ZNF280D: variants seen among roughly 807,000 people sequenced by gnomAD.
ZNF280D encodes the protein suppressor of hairy wing homolog 4.
Under a neutral mutation model 94.7 loss-of-function variants are expected in ZNF280D, and 39 were observed. That is an observed-to-expected ratio of 0.41 (90% CI 0.32 to 0.54). The LOEUF (loss-of-function observed/expected upper bound fraction) is 0.54, where lower values mean the gene tolerates loss of function less well. Among genes scored for constraint, ZNF280D ranks in the 20% least tolerant of loss-of-function variants. The probability of loss-of-function intolerance (pLI) is 0.22; values close to 1 mark genes in which losing one functional copy is unlikely to be tolerated. For synonymous variants in ZNF280D, 398 were observed against 377.6 expected, an observed-to-expected ratio of 1.05 and a Z score of -0.63; for missense variants, 1,090 against 1,149.3, an observed-to-expected ratio of 0.95 and a Z score of 0.75.
Position 56,666,939 on chromosome 15 carries a change from A to T in ZNF280D, c.1593T>A (p.Pro531=), listed in dbSNP as rs2054331641. Residue 531 remains proline (P), a synonymous_variant, in exon 15 of 22, where the codon CCT becomes CCA. Transcript: ENST00000267807. The part of the protein sequence containing the change: ...SVGPLQSGAS[P]TPSISASAST... ...AAGCACTTGCACTAATGGAAGGTGT[A>T]GGTGAAGCTCCTGATTGCAGAGGTC... 6.2e-7 allele frequency: 1 copy of T among 1,612,068 alleles called. No individual in the cohort carries two copies. The highest frequency in any genetic ancestry group is 1.7e-5 in the Admixed American group (1 of 59,618).
At chr15:56,674,513 T>C (rs1474549156) in intron 13 of ZNF280D, among the ~76,000 whole-genome samples, 1 of 152,104 alleles carries the variant, frequency 6.6e-6, no homozygotes, top group Non-Finnish European at 1.5e-5. Context: ...CCAATGCCAA[T>C]GTGAAATCCA....
At chr15:56,676,448 A>G (rs1169197364) in intron 13 of ZNF280D, among the ~76,000 whole-genome samples, 1 of 152,074 alleles carries the variant, frequency 6.6e-6, no homozygotes, top group Non-Finnish European at 1.5e-5. Context: ...ATTTCTAGCT[A>G]TCTTTCAGAA....
At chr15:56,701,710 A>G (rs2057084517) in intron 4 of ZNF280D, among the ~76,000 whole-genome samples, 2 of 152,150 alleles carry the variant, frequency 1.3e-5, no homozygotes, top group Non-Finnish European at 2.9e-5. Flanking sequence ...TCACTCGTCT[A>G]AAAGCCTTGA....
At chr15:56,658,560 C>T (rs2053699983) in intron 16 of ZNF280D, 74 bp from the exon 17 acceptor site, 2 of 1,049,824 alleles carry the variant, frequency 1.9e-6, no homozygotes, top group East Asian at 3.0e-5. Flanking sequence ...TATTTCAAGT[C>T]CATACTTAAG....
At chr15:56,716,609 G>A (rs898793623) in intron 1 of ZNF280D, among the ~76,000 whole-genome samples, 5 of 151,676 alleles carry the variant, frequency 3.3e-5, no homozygotes, top group Non-Finnish European at 1.5e-5. Context: ...AAGAAATTCT[G>A]TCCTTATCCT....
At position 56,689,414 on chromosome 15, in the gene ZNF280D, C is replaced by G; in HGVS notation, c.556G>C (p.Val186Leu). The change falls in exon 8 of 22, where the codon GTT becomes CTT. Residue 186 changes from valine (V) to leucine (L), a missense_variant. Coordinates refer to ENST00000267807, the MANE Select transcript of ZNF280D (RefSeq NM_017661.4). ...CTGGGTTTAGGCTTCTTTGGATTAA[C>G]ATTATTTACTTCAGAAGTAGAAGGA... ...KRPSTSEVNN[V>L]NPKKPKPSES... The G allele has an allele frequency of 6.3e-7, 1 of 1,593,944 alleles. No individual in the cohort carries two copies. Among genetic ancestry groups the G allele is most frequent in the Non-Finnish European group, 8.5e-7 (1 of 1,170,112 alleles).
chr15:56,667,128 C>A (rs2054347300), intron 14 of ZNF280D, 142 bp from the exon 15 acceptor site: 4 of 586,766 alleles, frequency 6.8e-6, no homozygotes, highest in Non-Finnish European at 1.1e-5. Context: ...CCCATTTATT[C>A]TAAATGTTCA....
At chr15:56,643,044 G>T in intron 19 of ZNF280D, 47 bp from the exon 20 acceptor site, 1 of 1,230,894 alleles carries the variant, frequency 8.1e-7, no homozygotes, top group Non-Finnish European at 1.1e-6. Context: ...TATGTACGAT[G>T]GTAAAATATG....
Position 56,705,039 on chromosome 15 carries a change from T to A in ZNF280D, c.29-772A>T, listed in dbSNP as rs545368872. ...GCAGGGAAGAGATGCTAGAATAGAATATGGAAAACTAATTAGGCTTATTCA... is the reference window on the plus strand; with the variant it reads ...GCAGGGAAGAGATGCTAGAATAGAAAATGGAAAACTAATTAGGCTTATTCA... On this transcript the variant is annotated intron_variant, in intron 3 of 21. Coordinates refer to ENST00000267807, the MANE Select transcript of ZNF280D (RefSeq NM_017661.4). 6.6e-5 allele frequency among the ~76,000 whole-genome samples: 10 copies of A among 151,910 alleles called. No homozygotes were observed. The South Asian group carries it at 1.9e-3, about 28-fold the overall frequency.
rs1170370155 is a variant in ZNF280D, at chr15:56,668,919, C to G, written c.1449G>C (p.Gln483His). The G allele has an allele frequency of 1.2e-6, 2 of 1,611,950 alleles. No homozygotes were observed. Among genetic ancestry groups the G allele is most frequent in the Admixed American group, 3.3e-5 (2 of 59,758 alleles). Residue 483 changes from glutamine to histidine, a missense_variant, in exon 14 of 22, where the codon CAG becomes CAC. Around this residue, in one of 3 missense-constraint regions of ZNF280D, gnomAD observed 127 missense variants for 208.6 expected, o/e 0.61. Coordinates refer to ENST00000267807, the MANE Select transcript of ZNF280D (RefSeq NM_017661.4). Reference sequence around the variant, plus strand: ...CCATTTTCTCCTTGCATGTCAAAAACTGCAGCCTGCATTTTGTACAACGAT... The same window carrying G: ...CCATTTTCTCCTTGCATGTCAAAAAGTGCAGCCTGCATTTTGTACAACGAT... ...GIHRCTKCRLQFLTCKEKMDH... is the reference protein window; with the variant it reads ...GIHRCTKCRLHFLTCKEKMDH...
intron 6 of ZNF280D, chr15:56,700,460 C>A: frequency 2.2e-6 from 2 of 903,188 alleles, no homozygotes; most frequent in Non-Finnish European, 1.3e-6. Flanking sequence ...TTACCATTTT[C>A]TATTACTTTT....
At chr15:56,731,624 T>C (rs1370892037) in intron 1 of ZNF280D, among the ~76,000 whole-genome samples, 1 of 151,922 alleles carries the variant, frequency 6.6e-6, no homozygotes, top group African/African-American at 2.4e-5. Flanking sequence ...TTAAGTGTGA[T>C]TGCGGTATTG....
At chr15:56,710,096 T>C (rs1478671215) in intron 1 of ZNF280D, among the ~76,000 whole-genome samples, 2 of 152,038 alleles carry the variant, frequency 1.3e-5, no homozygotes, top group Non-Finnish European at 2.9e-5. Context: ...CAGCTCAGAG[T>C]TGGCTCTTTA....
chr15:56,676,807 A>G lies in ZNF280D; in HGVS notation c.1273T>C (p.Tyr425His). 1 of 1,593,928 alleles carries G rather than the reference A, an allele frequency of 6.3e-7. No individual in the cohort carries two copies. Among genetic ancestry groups the G allele is most frequent in the Non-Finnish European group, 8.5e-7 (1 of 1,169,782 alleles). The change falls in exon 13 of 22, where the codon TAT becomes CAT. Residue 425 changes from tyrosine to histidine, a missense_variant. This residue lies in a region of ZNF280D where 127 missense variants were observed against 208.6 expected (regional missense o/e 0.61). Coordinates refer to ENST00000267807, the MANE Select transcript of ZNF280D (RefSeq NM_017661.4). ...ACATCAGAAAATGATGATGATCTAT[A>G]ATTACAAACCTAAAAAAAGAAAGAA... is the stretch of plus-strand genomic sequence containing the variant. ...EMPYVCQVCNYRSSSFSDVET... is the reference protein window; with the variant it reads ...EMPYVCQVCNHRSSSFSDVET...
intron 6 of ZNF280D, among the ~76,000 whole-genome samples, chr15:56,694,512 T>C (rs1315265332): frequency 6.6e-6 from 1 of 152,070 alleles, no homozygotes; most frequent in Non-Finnish European, 1.5e-5. Flanking sequence ...GCAAAGGACA[T>C]AAACTGAGAG....
rs2055335041 is a variant in ZNF280D at position 56,677,786 on chromosome 15, G to A, written c.1163-112C>T. The stretch of plus-strand genomic sequence containing the variant: ...GTAGCAGTAGGGACAGTTGTGAAGA[G>A]TTAAACAGCTTGTTAACTATGTGCA... On this transcript the variant is annotated intron_variant, in intron 11 of 21. Transcript: ENST00000267807. 8.8e-6 allele frequency: 3 copies of A among 341,022 alleles called. No individual in the cohort carries two copies. The South Asian group carries it at 2.1e-4, about 23-fold the overall frequency. 21.1% of individuals were successfully genotyped at this position (341,022 alleles called of 1,614,324 possible). A position where few individuals can be genotyped will look rare whatever the true frequency, so the allele number is the denominator to read the frequency against.
At chr15:56,670,229 T>C (rs1222472775) in intron 13 of ZNF280D, among the ~76,000 whole-genome samples, 3 of 149,560 alleles carry the variant, frequency 2.0e-5, no homozygotes, top group Admixed American at 6.8e-5. Flanking sequence ...TCAGGGAACA[T>C]GTGCAGGATG....
intron 1 of ZNF280D, among the ~76,000 whole-genome samples, chr15:56,721,933 C>T (rs536982123): frequency 1.3e-5 from 2 of 152,320 alleles, no homozygotes; most frequent in Admixed American, 6.5e-5. Context: ...GCTTTCAACA[C>T]GCCTTCCTCA....
chr15:56,641,629 A>G (rs2140547813), intron 20 of ZNF280D, among the ~76,000 whole-genome samples: 1 of 152,022 alleles, frequency 6.6e-6, no homozygotes, highest in Non-Finnish European at 1.5e-5. Flanking sequence ...GATCATATTT[A>G]AATTCACAGA....
Sources: gnomAD v4.1 joint callset for allele counts (sites outside exome capture counted in the v4.1 genomes callset) on GRCh38, gnomAD v4.1.1 for gene constraint, gnomAD v4.1.1 regional missense constraint, MANE v1.5 for transcripts, NCBI Gene and HGNC (gene_info 2026-07-23, HGNC 2026-07-21) for gene names.